Variants in NPAS3 observed in about 807,000 individuals in gnomAD.
NPAS3 encodes neuronal PAS domain-containing protein 3.
NPAS3 carries 14 observed loss-of-function variants against 73.1 expected under a neutral mutation model. The ratio of observed to expected loss-of-function variants is 0.19; its 90% CI spans 0.13 to 0.30. The LOEUF (loss-of-function observed/expected upper bound fraction) is 0.30, where lower values mean the gene tolerates loss of function less well. NPAS3 is among the 10% of genes least tolerant of loss of function. The pLI is 1.00. For synonymous variants in NPAS3, 620 were observed against 541.5 expected (o/e 1.14, Z -2.01); for missense variants, 1,096 against 1,250.0 (o/e 0.88, Z 1.86).
exon 12 of NPAS3, chr14:33,799,852 C>A: frequency 1.2e-6 from 2 of 1,614,146 alleles, no homozygotes; most frequent in Non-Finnish European, 1.7e-6. Context: ...ACTGCAACGA[C>A]GACGGCCACA....
intron 4 of NPAS3, among the ~76,000 whole-genome samples, chr14:33,372,526 C>T (rs2046136399): frequency 6.6e-6 from 1 of 152,124 alleles, no homozygotes; most frequent in African/African-American, 2.4e-5. Context: ...GGGCCAAGGC[C>T]CAGGCTGTGT....
intron 6 of NPAS3, among the ~76,000 whole-genome samples, chr14:33,713,242 A>G (rs1359701011): frequency 6.6e-6 from 1 of 152,228 alleles, no homozygotes; most frequent in African/African-American, 2.4e-5. Context: ...AGGCTGGTTA[A>G]TTCAATGGTC....
chr14:33,484,463 C>T (rs1300510146), intron 4 of NPAS3, among the ~76,000 whole-genome samples: 1 of 152,134 alleles, frequency 6.6e-6, no homozygotes, highest in Non-Finnish European at 1.5e-5. Context: ...GACCTGTTGA[C>T]AGGAAGCACT....
At chr14:33,041,903 G>C (rs2138420588) in intron 1 of NPAS3, among the ~76,000 whole-genome samples, 1 of 152,246 alleles carries the variant, frequency 6.6e-6, no homozygotes, top group Non-Finnish European at 1.5e-5. Context: ...TCACTGTCCA[G>C]ATGTGGTGAT....
intron 9 of NPAS3, among the ~76,000 whole-genome samples, chr14:33,782,972 C>G (rs1351168043): frequency 6.6e-6 from 1 of 152,208 alleles, no homozygotes; most frequent in Admixed American, 6.5e-5. Flanking sequence ...CTGAAGGCGT[C>G]TCATCGCCAA....
chr14:33,087,182 CAATAT>C lies in NPAS3; in HGVS notation c.140+31194_140+31198del, dbSNP rs1441919063. ...ATAATATTGTATAATATATAGTATA[CAATAT>C]AATATTGTATAATAATATAGTATTA... On this transcript the variant is annotated intron_variant, in intron 2 of 11. Coordinates refer to ENST00000356141, the Ensembl canonical transcript of NPAS3. 9.2e-3 allele frequency among the ~76,000 whole-genome samples: 1,021 copies of C among 110,898 alleles called. 9 individuals carry two copies. Among genetic ancestry groups the C allele is most frequent in the Non-Finnish European group, 0.012 (649 of 52,450 alleles). 72.8% of individuals were successfully genotyped at this position (110,898 alleles called of 152,430 possible). A position where few individuals can be genotyped will look rare whatever the true frequency, so the allele number is the denominator to read the frequency against.
At chr14:33,196,985 C>T (rs1437029512) in intron 2 of NPAS3, among the ~76,000 whole-genome samples, 1 of 152,032 alleles carries the variant, frequency 6.6e-6, no homozygotes, top group Non-Finnish European at 1.5e-5. Context: ...GTATTGATAA[C>T]TATGCATCAT....
chr14:33,034,924 G>A (rs1195559064), intron 1 of NPAS3, among the ~76,000 whole-genome samples: 1 of 152,076 alleles, frequency 6.6e-6, no homozygotes, highest in Admixed American at 6.6e-5. Flanking sequence ...GTTGTGTTAA[G>A]ACAACTTATT....
At chr14:33,550,376 C>A (rs1468015514) in intron 4 of NPAS3, among the ~76,000 whole-genome samples, 1 of 152,182 alleles carries the variant, frequency 6.6e-6, no homozygotes, top group Non-Finnish European at 1.5e-5. Context: ...CTGAATTGTT[C>A]TACTTTGAAG....
intron 3 of NPAS3, among the ~76,000 whole-genome samples, chr14:33,251,395 G>A (rs943519338): frequency 1.7e-4 from 26 of 152,054 alleles, no homozygotes; most frequent in Non-Finnish European, 2.9e-5. Flanking sequence ...GAAGTCAAAT[G>A]TGGCTAAGAG....
chr14:33,550,252 C>T (rs937433921), intron 4 of NPAS3, among the ~76,000 whole-genome samples: 2 of 152,172 alleles, frequency 1.3e-5, no homozygotes, highest in African/African-American at 2.4e-5. Flanking sequence ...CTCCTGGGCT[C>T]ACACGATTCT....
At chr14:33,475,542 T>C (rs576070928) in intron 4 of NPAS3, among the ~76,000 whole-genome samples, 187 of 111,052 alleles carry the variant, frequency 1.7e-3, no homozygotes, top group African/African-American at 8.1e-3. Context: ...TAGGAAGAAC[T>C]AAGATCTAAA....
At chr14:33,318,939 A>T (rs1395950319) in intron 3 of NPAS3, among the ~76,000 whole-genome samples, 1 of 152,096 alleles carries the variant, frequency 6.6e-6, no homozygotes, top group Non-Finnish European at 1.5e-5. Context: ...TAGTTATCTC[A>T]TGCTGCATAA....
At chr14:33,030,212 G>A (rs1340375421) in intron 1 of NPAS3, among the ~76,000 whole-genome samples, 3 of 152,116 alleles carry the variant, frequency 2.0e-5, no homozygotes, top group African/African-American at 7.2e-5. Context: ...GCACAATCGC[G>A]CTTGGTGGTG....
chr14:33,735,053 G>A (rs943951013), intron 6 of NPAS3, among the ~76,000 whole-genome samples, 161 bp from the exon 7 acceptor site: 4 of 152,182 alleles, frequency 2.6e-5, no homozygotes, highest in Admixed American at 6.5e-5. Context: ...TTTATTTTCC[G>A]CAAAGTAAAC....
At chr14:33,600,949 A>G (rs768864408) in intron 5 of NPAS3, among the ~76,000 whole-genome samples, 3 of 152,188 alleles carry the variant, frequency 2.0e-5, no homozygotes, top group Non-Finnish European at 4.4e-5. Context: ...GGCCATGAGC[A>G]CTGCATTCTG....
chr14:33,019,386 G>A (rs1038517520), intron 1 of NPAS3, among the ~76,000 whole-genome samples: 3 of 152,142 alleles, frequency 2.0e-5, no homozygotes, highest in Non-Finnish European at 4.4e-5. Flanking sequence ...CTGTCATTAA[G>A]GCTTCATTTT....
intron 4 of NPAS3, among the ~76,000 whole-genome samples, chr14:33,460,531 T>A (rs72680172): frequency 0.068 from 10,302 of 152,256 alleles, 533 homozygotes; most frequent in East Asian, 0.26. Context: ...CAAAAATATA[T>A]GTATCAACCC....
intron 7 of NPAS3, among the ~76,000 whole-genome samples, chr14:33,752,023 T>C (rs1566499904): frequency 6.6e-6 from 1 of 152,174 alleles, no homozygotes; most frequent in Non-Finnish European, 1.5e-5. Flanking sequence ...CCCCTTTCTC[T>C]CCTTCTCCCC....
Sources: allele counts gnomAD v4.1 joint callset (sites outside exome capture counted in the v4.1 genomes callset), GRCh38; gene constraint gnomAD v4.1.1; transcripts MANE v1.5; gene names NCBI Gene and HGNC (gene_info 2026-07-23, HGNC 2026-07-21).